The following SEC23IP variants were observed in gnomAD, a reference collection of about 807,000 sequenced individuals.
The protein encoded by SEC23IP is SEC23 interacting protein.
A neutral mutation model predicts 113.4 loss-of-function variants in SEC23IP; 70 were observed. The observed-to-expected ratio is 0.62, with a 90% confidence interval of 0.51 to 0.75. The LOEUF is 0.75. Ranked by LOEUF, SEC23IP falls within the 30% of genes least tolerant of loss-of-function variation. The pLI is 0.00. For missense variants in SEC23IP, 1,160 were observed against 1,204.9 expected, an observed-to-expected ratio of 0.96 and a Z score of 0.55; for synonymous variants, 398 against 421.0, an observed-to-expected ratio of 0.95 and a Z score of 0.67.
At position 119,919,515 on chromosome 10, in the gene SEC23IP, T is replaced by A; in HGVS notation, c.1944T>A (p.Thr648=). 1.2e-6 allele frequency: 2 copies of A among 1,613,898 alleles called. No homozygotes were observed. The highest frequency in any genetic ancestry group is 8.5e-7 in the Non-Finnish European group (1 of 1,179,902). ...TTGTTGAAAATAAAGAAGTCCTAAC[T>A]TTGCAAGAAACTCTGGAAGCACTTA... ...DLVVENKEVL[T]LQETLEALSL... is the part of the protein sequence containing the mutation. Residue 648 remains threonine (T), a synonymous_variant, in exon 11 of 19, where the codon ACT becomes ACA. Coordinates refer to ENST00000369075, the MANE Select transcript of SEC23IP (RefSeq NM_007190.4).
chr10:119,938,060 G>A (rs2134543538), intron 18 of SEC23IP, among the ~76,000 whole-genome samples: 1 of 151,294 alleles, frequency 6.6e-6, no homozygotes, highest in African/African-American at 2.4e-5. Context: ...TCCCAGCGCT[G>A]TGGGAGGATT....
At chr10:119,932,885 G>C (rs1044220170) in intron 16 of SEC23IP, 120 bp from the exon 17 acceptor site, 2 of 800,828 alleles carry the variant, frequency 2.5e-6, no homozygotes, top group Admixed American at 5.7e-5. Context: ...AGTGAGCCTG[G>C]TAGCTCCTCA....
chr10:119,920,768 TA>T, intron 11 of SEC23IP, 120 bp from the exon 12 acceptor site: 1 of 603,158 alleles, frequency 1.7e-6, no homozygotes. Flanking sequence ...AACTAACTTG[TA>T]AAAAGTTGAG....
At chr10:119,931,998 A>G in intron 15 of SEC23IP, 135 bp from the exon 16 acceptor site, 1 of 554,912 alleles carries the variant, frequency 1.8e-6, no homozygotes, top group South Asian at 2.9e-5. Context: ...TGGCTGAGGC[A>G]CTCCGTATAT....
chr10:119,898,353 C>G (rs1435296652), intron 1 of SEC23IP, 74 bp from the exon 2 acceptor site: 1 of 1,452,770 alleles, frequency 6.9e-7, no homozygotes, highest in Admixed American at 2.6e-5. Context: ...TAATTGCTAG[C>G]CCTTCCTTAT....
intron 10 of SEC23IP, among the ~76,000 whole-genome samples, chr10:119,918,795 C>G (rs1170079057): frequency 1.3e-5 from 2 of 152,046 alleles, no homozygotes; most frequent in African/African-American, 4.8e-5. Flanking sequence ...GTGTCCAGCC[C>G]TGAAACTGGT....
chr10:119,926,241 T>C lies in SEC23IP; in HGVS notation c.2313+14T>C, dbSNP rs1365966568. 1.9e-6 allele frequency: 3 copies of C among 1,611,700 alleles called. No homozygotes were observed. Among genetic ancestry groups the C allele is most frequent in the Middle Eastern group, 1.7e-4 (1 of 6,038 alleles). ...GGCGCCGGACAGGTGAGTTTACATA[T>C]TGACTGGGGCTACATAGTTCATGTT... On this transcript the variant is annotated intron_variant, in intron 13 of 18. Coordinates refer to ENST00000369075, the MANE Select transcript of SEC23IP (RefSeq NM_007190.4).
chr10:119,930,172 A>G (rs910148527), intron 14 of SEC23IP, among the ~76,000 whole-genome samples, 157 bp from the exon 15 acceptor site: 1 of 152,224 alleles, frequency 6.6e-6, no homozygotes, highest in Non-Finnish European at 1.5e-5. Context: ...CACAAACTAG[A>G]AAATCTTTTC....
intron 8 of SEC23IP, among the ~76,000 whole-genome samples, chr10:119,916,664 T>C (rs976638484): frequency 1.3e-5 from 2 of 152,208 alleles, no homozygotes; most frequent in South Asian, 2.1e-4. Flanking sequence ...GCCCTGTTTT[T>C]TCTGTTTGAT....
intron 15 of SEC23IP, among the ~76,000 whole-genome samples, chr10:119,931,788 G>A (rs1427867954): frequency 3.9e-5 from 6 of 152,086 alleles, no homozygotes; most frequent in Non-Finnish European, 8.8e-5. Context: ...TCCTGACCTC[G>A]TGATCCACCC....
rs566179092 is a variant in SEC23IP at position 119,942,742 on chromosome 10, C to T, written c.*2177C>T. 3.3e-5 allele frequency: 5 copies of T among 152,308 alleles called. No individual in the cohort carries two copies. The highest frequency in any genetic ancestry group is 2.1e-4 in the South Asian group (1 of 4,828). The allele number at this position is 152,308 out of a possible 1,614,324, so 9.4% of individuals were successfully genotyped here. On this transcript the variant is annotated 3_prime_UTR_variant, in exon 19 of 19. Transcript: ENST00000369075. ...AGTACTGATGAAGACACCCAGGCCT[C>T]GTCAGCTATGTTAACGTGCTGTATG... is the stretch of plus-strand genomic sequence containing the variant.
rs1390239413 is a variant in SEC23IP, at chr10:119,942,929, A to C, written c.*2364A>C. 1 of 152,150 alleles carries C rather than the reference A, an allele frequency of 6.6e-6. No individual in the cohort carries two copies. The highest frequency in any genetic ancestry group is 1.5e-5 in the Non-Finnish European group (1 of 68,038). The allele number at this position is 152,150 out of a possible 1,614,324, so 9.4% of individuals were successfully genotyped here. ...ATTGGAAAGGTGTGATCTATATAGA[A>C]CCCTGTACATGAAAAGGAGGAGATG... is the stretch of plus-strand genomic sequence containing the variant. On this transcript the variant is annotated 3_prime_UTR_variant, in exon 19 of 19. Coordinates refer to ENST00000369075, the MANE Select transcript of SEC23IP (RefSeq NM_007190.4).
chr10:119,900,814 C>T (rs71482902), intron 2 of SEC23IP, among the ~76,000 whole-genome samples: 8,393 of 152,048 alleles, frequency 0.055, 427 homozygotes, highest in South Asian at 0.27. Flanking sequence ...ATTTTAAAAT[C>T]GTTTTTGTAG....
intron 12 of SEC23IP, among the ~76,000 whole-genome samples, chr10:119,923,974 T>G (rs1254010380): frequency 6.6e-6 from 1 of 152,224 alleles, no homozygotes; most frequent in Non-Finnish European, 1.5e-5. Flanking sequence ...TTTAGAATGT[T>G]TTATGAATTT....
In SEC23IP at chr10:119,897,983, C is replaced by T. The variant is rs1259593626; in HGVS notation, c.164-444C>T. 4.1e-5 allele frequency among the ~76,000 whole-genome samples: 6 copies of T among 145,658 alleles called. No homozygotes were observed. In the East Asian group the frequency reaches 6.0e-4, roughly 15 times the overall value. On this transcript the variant is annotated intron_variant, in intron 1 of 18. Transcript: ENST00000369075. The stretch of plus-strand genomic sequence containing the variant: ...TTGCGCCACTGCACTCCAGCCTGGG[C>T]GACAGAGCGAGACGCCGTCTCAAAA...
rs533400416 is a variant in SEC23IP, at chr10:119,926,195, A to T, written c.2281A>T (p.Asn761Tyr). 1.4e-5 allele frequency: 22 copies of T among 1,614,098 alleles called. No homozygotes were observed. In the East Asian group the frequency reaches 4.5e-4, roughly 33 times the overall value. ...TGCTTGCGTGTCTTCTGTGTGTGTG[A>T]ATTATGAATCTTTTGAAGTTGGCGC... Reference protein sequence around the residue: ...VGACVSSVCVNYESFEVGAGQ... With the variant: ...VGACVSSVCVYYESFEVGAGQ... The change falls in exon 13 of 19, where the codon AAT becomes TAT. Residue 761 changes from asparagine to tyrosine, a missense_variant. Coordinates refer to ENST00000369075, the MANE Select transcript of SEC23IP (RefSeq NM_007190.4).
In SEC23IP at chr10:119,925,483, G is replaced by A. The variant is rs532875321; in HGVS notation, c.2122-553G>A. Among the ~76,000 whole-genome samples the A allele has an allele frequency of 1.3e-5, 2 of 152,092 alleles. 1 individual carries two copies. Among genetic ancestry groups the A allele is most frequent in the Non-Finnish European group, 2.9e-5 (2 of 68,014 alleles). Reference sequence around the variant, plus strand: ...AAGAATTTTAAACTATAGACATCATGACATTTGTTCCCTAAATATTTAGTA... The same window carrying A: ...AAGAATTTTAAACTATAGACATCATAACATTTGTTCCCTAAATATTTAGTA... On this transcript the variant is annotated intron_variant, in intron 12 of 18. Coordinates refer to ENST00000369075, the MANE Select transcript of SEC23IP (RefSeq NM_007190.4).
At chr10:119,935,738 T>G (rs972025230) in intron 18 of SEC23IP, among the ~76,000 whole-genome samples, 1 of 152,158 alleles carries the variant, frequency 6.6e-6, no homozygotes, top group Non-Finnish European at 1.5e-5. Context: ...AACCACATGG[T>G]AAAGACTGAG....
intron 4 of SEC23IP, among the ~76,000 whole-genome samples, chr10:119,907,471 A>G (rs535821000): frequency 2.0e-5 from 3 of 152,278 alleles, no homozygotes; most frequent in Non-Finnish European, 4.4e-5. Flanking sequence ...AAATAAATGA[A>G]CAAAAAAAAG....
Sources: gnomAD v4.1 joint callset for allele counts (sites outside exome capture counted in the v4.1 genomes callset) on GRCh38, gnomAD v4.1.1 for gene constraint, MANE v1.5 for transcripts, NCBI Gene and HGNC (gene_info 2026-07-23, HGNC 2026-07-21) for gene names.